Variants in GGTA1 observed in about 807,000 individuals in gnomAD.
The protein encoded by GGTA1 is inactive N-acetyllactosaminide alpha-1,3-galactosyltransferase.
In GGTA1, 5 loss-of-function variants were observed where a neutral mutation model predicts 2.6. The observed-to-expected ratio is 1.92, with a 90% CI of 1.00 to 4.04. The LOEUF (loss-of-function observed/expected upper bound fraction) is 4.04, where lower values mean the gene tolerates loss of function less well. Among genes scored for constraint, GGTA1 ranks in the 30% most tolerant of loss-of-function variants. The pLI is 0.00. For synonymous variants in GGTA1, 17 were observed against 5.0 expected (o/e 3.38, Z -3.19); for missense variants, 50 against 16.7 (o/e 2.99, Z -3.47).
Position 121,459,424 on chromosome 9 carries a change from A to C in GGTA1, c.298+680T>G, listed in dbSNP as rs1280249822. The stretch of plus-strand genomic sequence containing the variant: ...GCGCTCCAGCCTGGGTGACAGAGCA[A>C]GATCCTGTCTCAAAATGAATAAAAA... On this transcript the variant is annotated intron_variant, in intron 5 of 5. Coordinates refer to ENST00000481799, the MANE Select transcript of GGTA1 (RefSeq NM_001382585.1). 2.0e-5 allele frequency among the ~76,000 whole-genome samples: 3 copies of C among 152,328 alleles called. No homozygotes were observed. In the East Asian group the frequency reaches 5.8e-4, roughly 29 times the overall value.
intron 1 of GGTA1, among the ~76,000 whole-genome samples, chr9:121,478,447 T>A (rs1009416976): frequency 6.6e-6 from 1 of 152,170 alleles, no homozygotes; most frequent in East Asian, 1.9e-4. Context: ...TGCCCAGAAG[T>A]CTTGGTGCCA....
At chr9:121,453,737 G>A (rs551359598), downstream of GGTA1, among the ~76,000 whole-genome samples, 39 of 152,320 alleles carry the variant, frequency 2.6e-4, 2 homozygotes, top group Admixed American at 1.3e-3. Context: ...TAGCAAATAC[G>A]TCGGGCCAGC....
At chr9:121,485,743 T>G (rs1381766546) in intron 1 of GGTA1, among the ~76,000 whole-genome samples, 1 of 152,098 alleles carries the variant, frequency 6.6e-6, no homozygotes, top group Non-Finnish European at 1.5e-5. Flanking sequence ...AGCAGGGCCT[T>G]GGGCTTTATT....
chr9:121,449,065 A>G lies in GGTA1; in HGVS notation c.*119-1468T>C, dbSNP rs150716469. 2.4e-4 allele frequency among the ~76,000 whole-genome samples: 36 copies of G among 152,350 alleles called. No individual in the cohort carries two copies. In the East Asian group the frequency reaches 6.0e-3, roughly 25 times the overall value. On this transcript the variant is annotated intron_variant and NMD_transcript_variant, in intron 7 of 7. Transcript: ENST00000481534. The stretch of plus-strand genomic sequence containing the variant: ...CCAGAATGTCATATAAGCACACAGC[A>G]TGTAGCCTTTTCAGTGTGGCTTCTT...
At chr9:121,486,879 T>A (rs571902958) in intron 1 of GGTA1, among the ~76,000 whole-genome samples, 34 of 152,216 alleles carry the variant, frequency 2.2e-4, no homozygotes, top group Non-Finnish European at 4.4e-4. Flanking sequence ...TCTGGATGAC[T>A]TTCCTTTCCC....
At chr9:121,473,700 C>T (rs1192028187) in intron 1 of GGTA1, among the ~76,000 whole-genome samples, 1 of 152,046 alleles carries the variant, frequency 6.6e-6, no homozygotes, top group Non-Finnish European at 1.5e-5. Context: ...CCAAGATGGG[C>T]AGATTGCTTG....
Position 121,460,121 on chromosome 9 carries a change from C to T in GGTA1, c.281G>A (p.Gly94Glu), listed in dbSNP as rs780995823. The change falls in exon 5 of 6, where the codon GGG (glycine) becomes GAG (glutamate). Residue 94 changes from glycine (G) to glutamate (E), a missense_variant. By Grantham distance (98) the Gly-to-Glu change is moderately conservative (BLOSUM62 -2). Coordinates refer to ENST00000481799, the MANE Select transcript of GGTA1 (RefSeq NM_001382585.1). ...TTTCTTACTTTGGATTAAACCAGTC[C>T]CATAGCCGAAGCTCTGTTGTGTCAT... ...RKMTQQSFGY[G>E]TGLIQT 2.2e-6 allele frequency: 1 copy of T among 456,652 alleles called. No homozygotes were observed. Among genetic ancestry groups the T allele is most frequent in the Non-Finnish European group, 4.4e-6 (1 of 227,000 alleles). The allele number at this position is 456,652 out of a possible 1,614,324, so 28.3% of individuals were successfully genotyped here.
chr9:121,488,125 A>G (rs1020865643), intron 1 of GGTA1, among the ~76,000 whole-genome samples: 2 of 150,826 alleles, frequency 1.3e-5, no homozygotes, highest in African/African-American at 2.4e-5. Context: ...GTGTGCGTGC[A>G]TGTGTGTGTG....
At chr9:121,471,014 C>A (rs1202441230) in intron 1 of GGTA1, among the ~76,000 whole-genome samples, 2 of 152,188 alleles carry the variant, frequency 1.3e-5, no homozygotes, top group African/African-American at 2.4e-5. Flanking sequence ...TACAAGGTTA[C>A]CTTGTGAGAG....
intron 1 of GGTA1, among the ~76,000 whole-genome samples, chr9:121,478,541 A>T (rs995990797): frequency 6.6e-6 from 1 of 152,166 alleles, no homozygotes; most frequent in African/African-American, 2.4e-5. Context: ...TTATTATCCT[A>T]AAACCTCAGT....
chr9:121,483,034 G>A (rs1258855007), intron 1 of GGTA1, among the ~76,000 whole-genome samples: 8 of 152,128 alleles, frequency 5.3e-5, no homozygotes, highest in Admixed American at 2.6e-4. Flanking sequence ...AATTGATTTC[G>A]AAACCTAAAG....
intron 1 of GGTA1, among the ~76,000 whole-genome samples, chr9:121,473,972 GGAGA>G (rs141951986): frequency 2.2e-4 from 29 of 134,268 alleles, no homozygotes; most frequent in Non-Finnish European, 3.1e-4. Flanking sequence ...AGGGAGGGAG[GGAGA>G]GAGAGAGAGA....
At chr9:121,484,670 G>A (rs1403683996) in intron 1 of GGTA1, among the ~76,000 whole-genome samples, 1 of 152,194 alleles carries the variant, frequency 6.6e-6, no homozygotes, top group African/African-American at 2.4e-5. Context: ...CTCTGACACT[G>A]ACAGTCTGAA....
At chr9:121,491,481 C>T (rs1339146765) in intron 1 of GGTA1, among the ~76,000 whole-genome samples, 1 of 152,220 alleles carries the variant, frequency 6.6e-6, no homozygotes, top group Non-Finnish European at 1.5e-5. Context: ...CCCGGTTCCC[C>T]CTATAACTCC....
At chr9:121,460,018 C>T (rs2064946412) in intron 5 of GGTA1, 86 bp downstream of exon 5, 1 of 424,594 alleles carries the variant, frequency 2.4e-6, no homozygotes, top group Admixed American at 2.8e-5. Flanking sequence ...CAGGAATGTT[C>T]TCAATGGCAC....
chr9:121,466,290 C>T lies in GGTA1; in HGVS notation c.80+1553G>A, dbSNP rs530938234. On this transcript the variant is annotated intron_variant, in intron 2 of 5. Transcript: ENST00000481799. ...GTGGCTGAGCAACTTGCCCAAGGAGCAGCCTAGCTCTAGAGTCTGAGTGGG... is the reference window on the plus strand; with the variant it reads ...GTGGCTGAGCAACTTGCCCAAGGAGTAGCCTAGCTCTAGAGTCTGAGTGGG... Among the ~76,000 whole-genome samples the T allele has an allele frequency of 4.6e-5, 7 of 152,312 alleles. No individual in the cohort carries two copies. In the East Asian group the frequency reaches 1.4e-3, roughly 29 times the overall value.
intron 1 of GGTA1, among the ~76,000 whole-genome samples, chr9:121,482,091 C>T (rs2118739718): frequency 6.6e-6 from 1 of 152,240 alleles, no homozygotes; most frequent in African/African-American, 2.4e-5. Context: ...GCTAGGGCCA[C>T]AGGACCTGGA....
intron 2 of GGTA1, 68 bp from the exon 3 acceptor site, chr9:121,463,396 C>A: frequency 2.3e-6 from 1 of 441,386 alleles, no homozygotes; most frequent in South Asian, 1.6e-5. Flanking sequence ...ATTTTGTAAC[C>A]ATTATCACTG....
chr9:121,491,217 A>G (rs151289712), intron 1 of GGTA1, among the ~76,000 whole-genome samples: 91 of 152,318 alleles, frequency 6.0e-4, no homozygotes, highest in Middle Eastern at 3.4e-3. Flanking sequence ...CTTTTCCCAC[A>G]GATGCCAGGA....
Sources: allele counts gnomAD v4.1 joint callset (sites outside exome capture counted in the v4.1 genomes callset), GRCh38; gene constraint gnomAD v4.1.1; transcripts MANE v1.5; gene names NCBI Gene and HGNC (gene_info 2026-07-23, HGNC 2026-07-21).